KIF16B: variants seen among roughly 807,000 people sequenced by gnomAD.
KIF16B encodes kinesin-like protein KIF16B.
In KIF16B, 98 loss-of-function variants were observed where a neutral mutation model predicts 156.3. The observed-to-expected ratio is 0.63, with a 90% CI of 0.53 to 0.74. The LOEUF (loss-of-function observed/expected upper bound fraction) is 0.74, where lower values mean the gene tolerates loss of function less well. Among genes scored for constraint, KIF16B ranks in the 30% least tolerant of loss-of-function variants. The pLI, the probability that KIF16B is intolerant of heterozygous loss-of-function variation, is 0.00. For missense variants in KIF16B, 1,421 were observed against 1,606.5 expected, an observed-to-expected ratio of 0.88 and a Z score of 1.97; for synonymous variants, 564 against 583.7, an observed-to-expected ratio of 0.97 and a Z score of 0.49.
intron 12 of KIF16B, 27 bp downstream of exon 12, chr20:16,494,264 G>A: frequency 7.2e-7 from 1 of 1,380,132 alleles, no homozygotes; most frequent in South Asian, 1.2e-5. Context: ...ACCATAGTAA[G>A]ACTAAACACA....
chr20:16,445,422 G>A (rs2066907366), intron 12 of KIF16B, among the ~76,000 whole-genome samples: 1 of 149,510 alleles, frequency 6.7e-6, no homozygotes, highest in East Asian at 2.0e-4. Context: ...GTATATACGT[G>A]TGTGTGTGTG....
intron 7 of KIF16B, 96 bp from the exon 8 acceptor site, chr20:16,506,286 T>A: frequency 1.0e-6 from 1 of 1,001,038 alleles, no homozygotes; most frequent in Non-Finnish European, 1.5e-6. Context: ...CTCACTGAGA[T>A]CTCTCAGGGT....
chr20:16,296,498 G>A (rs1184143624), intron 25 of KIF16B, among the ~76,000 whole-genome samples: 2 of 152,210 alleles, frequency 1.3e-5, no homozygotes, highest in Non-Finnish European at 2.9e-5. Flanking sequence ...GCCATCTTGA[G>A]TCGTTCTGTG....
intron 1 of KIF16B, among the ~76,000 whole-genome samples, chr20:16,559,682 G>A (rs924399398): frequency 6.6e-5 from 10 of 152,130 alleles, no homozygotes; most frequent in African/African-American, 2.2e-4. Context: ...GGAGGCTGAG[G>A]CAGGAGGTTC....
At chr20:16,489,263 G>T (rs563118828) in intron 12 of KIF16B, among the ~76,000 whole-genome samples, 2 of 152,280 alleles carry the variant, frequency 1.3e-5, no homozygotes, top group African/African-American at 4.8e-5. Flanking sequence ...CGAGGCTGAA[G>T]GGGGAGGGCC....
chr20:16,513,547 C>T (rs2069029815), intron 4 of KIF16B, among the ~76,000 whole-genome samples: 1 of 151,644 alleles, frequency 6.6e-6, no homozygotes, highest in South Asian at 2.1e-4. Context: ...GTAATCCCAG[C>T]TACTGGGTAG....
intron 24 of KIF16B, among the ~76,000 whole-genome samples, chr20:16,317,113 T>C (rs1018013308): frequency 1.3e-5 from 2 of 152,236 alleles, no homozygotes; most frequent in African/African-American, 2.4e-5. Context: ...ATCAGAAATA[T>C]TATCTGAACA....
At chr20:16,289,847 A>T (rs1191493326) in intron 25 of KIF16B, among the ~76,000 whole-genome samples, 1 of 152,230 alleles carries the variant, frequency 6.6e-6, no homozygotes, top group African/African-American at 2.4e-5. Context: ...TCTCAAAAAC[A>T]AACAAAGAAA....
At chr20:16,277,579 G>C (rs2063082421) in intron 25 of KIF16B, among the ~76,000 whole-genome samples, 1 of 151,730 alleles carries the variant, frequency 6.6e-6, no homozygotes, top group Non-Finnish European at 1.5e-5. Flanking sequence ...TGTGGCTGAA[G>C]GGAGAAAATT....
intron 12 of KIF16B, among the ~76,000 whole-genome samples, chr20:16,465,792 A>G (rs1470417180): frequency 6.6e-6 from 1 of 152,102 alleles, no homozygotes; most frequent in East Asian, 1.9e-4. Context: ...TATATGTGGA[A>G]TTCTTAGTGA....
chr20:16,348,259 G>A, intron 23 of KIF16B, among the ~76,000 whole-genome samples: 1 of 152,210 alleles, frequency 6.6e-6, no homozygotes, highest in Non-Finnish European at 1.5e-5. Flanking sequence ...TGTGTAGAAA[G>A]TAGTGATATT....
At chr20:16,460,271 G>C (rs1043814981) in intron 12 of KIF16B, among the ~76,000 whole-genome samples, 13 of 152,202 alleles carry the variant, frequency 8.5e-5, no homozygotes, top group African/African-American at 2.7e-4. Flanking sequence ...GCATATCTAA[G>C]CTTTAACAAA....
At chr20:16,563,665 G>A (rs1050302685) in intron 1 of KIF16B, among the ~76,000 whole-genome samples, 3 of 151,886 alleles carry the variant, frequency 2.0e-5, no homozygotes, top group Non-Finnish European at 4.4e-5. Flanking sequence ...ATACACACTC[G>A]ATCTCTGCCA....
intron 24 of KIF16B, among the ~76,000 whole-genome samples, chr20:16,315,510 G>C (rs2063684441): frequency 6.6e-6 from 1 of 152,118 alleles, no homozygotes; most frequent in African/African-American, 2.4e-5. Flanking sequence ...GGGATCTAGG[G>C]TAAAGATGAA....
chr20:16,284,252 G>T (rs527319801), intron 25 of KIF16B, among the ~76,000 whole-genome samples: 1 of 152,244 alleles, frequency 6.6e-6, no homozygotes, highest in South Asian at 2.1e-4. Context: ...GGACCTAATT[G>T]TACCTCCAAG....
At chr20:16,301,262 A>T (rs2063467795) in intron 25 of KIF16B, among the ~76,000 whole-genome samples, 1 of 152,250 alleles carries the variant, frequency 6.6e-6, no homozygotes, top group Non-Finnish European at 1.5e-5. Flanking sequence ...AGTTATATCC[A>T]CACTTTGGCA....
At position 16,491,524 on chromosome 20, in the gene KIF16B, A is replaced by G. The variant is rs116566509; in HGVS notation, c.1302+2767T>C. ...CATGTTCTACTGTCAACTACTTTCA[A>G]AATAACTCAGAACTTAATGATGTCT... On this transcript the variant is annotated intron_variant, in intron 12 of 25. Transcript: ENST00000354981. Among the ~76,000 whole-genome samples, 406 of 152,312 alleles carry G rather than the reference A, an allele frequency of 2.7e-3. 2 individuals carry two copies. The highest frequency in any genetic ancestry group is 9.1e-3 in the African/African-American group (378 of 41,568).
chr20:16,374,472 TGA>T, intron 19 of KIF16B, 63 bp from the exon 20 acceptor site: 1 of 1,410,506 alleles, frequency 7.1e-7, no homozygotes, highest in Non-Finnish European at 9.4e-7. Context: ...CCTTACTGTG[TGA>T]GACATTGCTT....
chr20:16,463,604 C>A (rs958110428), intron 12 of KIF16B, among the ~76,000 whole-genome samples: 1 of 152,088 alleles, frequency 6.6e-6, no homozygotes. Context: ...TATAAAAATG[C>A]CTTCCCAACC....
Sources: allele counts gnomAD v4.1 joint callset (sites outside exome capture counted in the v4.1 genomes callset), GRCh38; gene constraint gnomAD v4.1.1; transcripts MANE v1.5; gene names NCBI Gene and HGNC (gene_info 2026-07-23, HGNC 2026-07-21).